The following AGBL1 variants were observed in gnomAD, a reference collection of about 807,000 sequenced individuals.
AGBL1 encodes the protein cytosolic carboxypeptidase 4.
A neutral mutation model predicts 118.9 loss-of-function variants in AGBL1; 130 were observed. The ratio of observed to expected loss-of-function variants is 1.09; its 90% CI spans 0.95 to 1.26. The LOEUF is 1.26. Among genes scored for constraint, AGBL1 ranks in the 50% most tolerant of loss-of-function variants. AGBL1 has a pLI of 0.00. For synonymous variants in AGBL1, 555 were observed against 478.9 expected, an observed-to-expected ratio of 1.16 and a Z score of -2.08; for missense variants, 1,584 against 1,298.1, an observed-to-expected ratio of 1.22 and a Z score of -3.38.
intron 17 of AGBL1, among the ~76,000 whole-genome samples, chr15:86,306,432 G>A (rs754216541): frequency 6.6e-6 from 1 of 151,950 alleles, no homozygotes; most frequent in African/African-American, 2.4e-5. Context: ...TCTGTGTCTG[G>A]CTTATTTCAT....
intron 22 of AGBL1, among the ~76,000 whole-genome samples, chr15:86,716,776 A>C (rs2086645423): frequency 6.6e-6 from 1 of 152,204 alleles, no homozygotes. Context: ...TTTACTCAAC[A>C]AATTGTTAAA....
intron 17 of AGBL1, among the ~76,000 whole-genome samples, chr15:86,309,657 A>C (rs1338474964): frequency 6.6e-6 from 1 of 152,144 alleles, no homozygotes; most frequent in Non-Finnish European, 1.5e-5. Flanking sequence ...CATCTGTTTT[A>C]ATGACCATAT....
intron 22 of AGBL1, among the ~76,000 whole-genome samples, chr15:86,885,777 C>T (rs573179797): frequency 6.6e-6 from 1 of 152,312 alleles, no homozygotes; most frequent in East Asian, 1.9e-4. Flanking sequence ...ACTCCATGCT[C>T]TGAGCCCAAG....
intron 22 of AGBL1, among the ~76,000 whole-genome samples, chr15:86,724,857 C>G (rs1004632959): frequency 6.6e-6 from 1 of 152,182 alleles, no homozygotes; most frequent in Non-Finnish European, 1.5e-5. Flanking sequence ...GTAGGTTTCT[C>G]TTTCACCTTC....
intron 21 of AGBL1, among the ~76,000 whole-genome samples, chr15:86,659,551 T>C (rs991626007): frequency 1.3e-5 from 2 of 152,184 alleles, no homozygotes; most frequent in African/African-American, 4.8e-5. Context: ...TATCTTCTGC[T>C]ACCCGCCACG....
intron 22 of AGBL1, among the ~76,000 whole-genome samples, chr15:86,743,108 A>T (rs2077702984): frequency 6.6e-6 from 1 of 152,168 alleles, no homozygotes. Context: ...AATGTTAAAG[A>T]CTTGAACATA....
At chr15:86,976,170 AT>A (rs1326502341) in intron 23 of AGBL1, among the ~76,000 whole-genome samples, 1 of 150,348 alleles carries the variant, frequency 6.7e-6, no homozygotes, top group African/African-American at 2.4e-5. Flanking sequence ...GATTTTACTT[AT>A]TTATGTATTA....
chr15:86,097,707 C>T (rs1218266961), intron 1 of AGBL1, among the ~76,000 whole-genome samples: 1 of 152,044 alleles, frequency 6.6e-6, no homozygotes, highest in Non-Finnish European at 1.5e-5. Flanking sequence ...ATATATGCCA[C>T]ATTTTCTTTA....
intron 22 of AGBL1, among the ~76,000 whole-genome samples, chr15:86,792,561 A>C (rs2078509866): frequency 6.6e-6 from 1 of 152,124 alleles, no homozygotes; most frequent in Non-Finnish European, 1.5e-5. Flanking sequence ...GGAGAGAATA[A>C]AGTGGTTAAA....
chr15:86,647,368 C>A (rs1201335194), intron 21 of AGBL1, among the ~76,000 whole-genome samples: 1 of 152,152 alleles, frequency 6.6e-6, no homozygotes, highest in African/African-American at 2.4e-5. Context: ...CACCAATGAA[C>A]AAAACAGAAA....
intron 18 of AGBL1, among the ~76,000 whole-genome samples, chr15:86,502,020 G>C (rs1275776252): frequency 6.6e-6 from 1 of 151,560 alleles, no homozygotes; most frequent in African/African-American, 2.4e-5. Context: ...TGAAACTGTA[G>C]ATCAATCTGG....
At chr15:86,147,811 G>A (rs1364260149) in intron 3 of AGBL1, among the ~76,000 whole-genome samples, 1 of 152,236 alleles carries the variant, frequency 6.6e-6, no homozygotes, top group African/African-American at 2.4e-5. Context: ...CCTCAAGTGT[G>A]TCCCTGACCC....
At position 86,737,062 on chromosome 15, in the gene AGBL1, A is replaced by G. The variant is rs538830290; in HGVS notation, c.3158+62626A>G. Among the ~76,000 whole-genome samples, 11 of 152,284 alleles carry G rather than the reference A, an allele frequency of 7.2e-5. No individual in the cohort carries two copies. In the South Asian group the frequency reaches 2.3e-3, roughly 32 times the overall value. ...CTGTACTGTGCTGAATGCTATGTGT[A>G]GAAGACACTGTGTTTGTGACACATA... On this transcript the variant is annotated intron_variant, in intron 22 of 22. Coordinates refer to ENST00000614907, the MANE Select transcript of AGBL1 (RefSeq NM_001386094.1).
chr15:86,192,156 G>GCA (rs572669407), intron 5 of AGBL1, among the ~76,000 whole-genome samples: 20 of 150,178 alleles, frequency 1.3e-4, no homozygotes, highest in African/African-American at 2.2e-4. Flanking sequence ...GCATGCACGT[G>GCA]CACACACACA....
At chr15:86,534,403 G>C (rs921448753) in intron 19 of AGBL1, among the ~76,000 whole-genome samples, 3 of 152,184 alleles carry the variant, frequency 2.0e-5, no homozygotes, top group African/African-American at 7.2e-5. Context: ...TTTCCTCAAA[G>C]AATCTGTAGG....
chr15:86,867,779 C>T (rs187566041), intron 22 of AGBL1, among the ~76,000 whole-genome samples: 1 of 152,152 alleles, frequency 6.6e-6, no homozygotes, highest in African/African-American at 2.4e-5. Flanking sequence ...AATCAATTAG[C>T]AGCTGTAACT....
intron 21 of AGBL1, among the ~76,000 whole-genome samples, chr15:86,651,885 C>T (rs922358525): frequency 5.3e-5 from 8 of 152,144 alleles, no homozygotes. Flanking sequence ...GACACTGTCT[C>T]TTGAGCTGTG....
At chr15:86,455,154 C>T (rs2142075819) in intron 18 of AGBL1, among the ~76,000 whole-genome samples, 1 of 152,252 alleles carries the variant, frequency 6.6e-6, no homozygotes, top group South Asian at 2.1e-4. Context: ...GAAAACAGTG[C>T]ATATTTATTG....
At chr15:86,122,011 A>G (rs1898120830) in intron 1 of AGBL1, among the ~76,000 whole-genome samples, 1 of 152,248 alleles carries the variant, frequency 6.6e-6, no homozygotes, top group Non-Finnish European at 1.5e-5. Flanking sequence ...TGCTTTGCAC[A>G]AGGAAGTCGG....
Sources: gnomAD v4.1 joint callset for allele counts (sites outside exome capture counted in the v4.1 genomes callset) on GRCh38, gnomAD v4.1.1 for gene constraint, MANE v1.5 for transcripts, NCBI Gene and HGNC (gene_info 2026-07-23, HGNC 2026-07-21) for gene names.